Variants in OSBPL2 observed in about 807,000 individuals in gnomAD.
OSBPL2 encodes oxysterol binding protein like 2, also known as oxysterol-binding protein-related protein 2.
A neutral mutation model predicts 58.4 loss-of-function variants in OSBPL2; 18 were observed. The ratio of observed to expected loss-of-function variants is 0.31; its 90% CI spans 0.21 to 0.46. The LOEUF (loss-of-function observed/expected upper bound fraction) is 0.46. Ranked by LOEUF, OSBPL2 falls within the 20% of genes least tolerant of loss-of-function variation. OSBPL2 has a pLI of 1.00. For missense variants in OSBPL2, 461 were observed against 616.5 expected, an observed-to-expected ratio of 0.75 and a Z score of 2.67; for synonymous variants, 221 against 234.1, an observed-to-expected ratio of 0.94 and a Z score of 0.51.
chr20:62,238,948 C>G (rs557588286), intron 1 of OSBPL2: 4 of 152,258 alleles, frequency 2.6e-5, no homozygotes, highest in African/African-American at 7.2e-5. Flanking sequence ...CCCCAGCCCC[C>G]CTGCTGCCCC....
chr20:62,251,382 C>T (rs1274193174), intron 1 of OSBPL2, among the ~76,000 whole-genome samples: 1 of 146,626 alleles, frequency 6.8e-6, no homozygotes, highest in Non-Finnish European at 1.5e-5. Context: ...AGGGTTCTCT[C>T]AAAAAGATAT....
chr20:62,259,599 C>T (rs920608372), intron 2 of OSBPL2, among the ~76,000 whole-genome samples: 6 of 152,196 alleles, frequency 3.9e-5, no homozygotes, highest in Admixed American at 6.5e-5. Context: ...CCACAACGGG[C>T]GCATCGCAGC....
intron 1 of OSBPL2, among the ~76,000 whole-genome samples, chr20:62,248,128 CT>C (rs928677366): frequency 1.4e-5 from 2 of 143,294 alleles, no homozygotes; most frequent in African/African-American, 5.2e-5. Context: ...TCTCTCTTTT[CT>C]TTTTTTTTCT....
intron 1 of OSBPL2, among the ~76,000 whole-genome samples, chr20:62,247,098 A>T (rs530953965): frequency 3.4e-4 from 52 of 152,264 alleles, no homozygotes; most frequent in Non-Finnish European, 5.4e-4. Flanking sequence ...CCCCAGCCTG[A>T]CCTAGTTCTG....
chr20:62,283,421 CAAGAGGCGAAAGG>C (rs1982913458), intron 9 of OSBPL2, among the ~76,000 whole-genome samples: 1 of 152,162 alleles, frequency 6.6e-6, no homozygotes, highest in Non-Finnish European at 1.5e-5. Flanking sequence ...CTCTTCCCAG[CAAGAGGCGAAAGG>C]AGAAAGAAAA....
intron 7 of OSBPL2, 120 bp downstream of exon 7, chr20:62,279,459 AC>A: frequency 9.9e-7 from 1 of 1,009,280 alleles, no homozygotes. Flanking sequence ...TGAGGTGGGG[AC>A]CTCCCCACAG....
At chr20:62,254,184 A>G (rs1446445345) in intron 1 of OSBPL2, among the ~76,000 whole-genome samples, 1 of 152,160 alleles carries the variant, frequency 6.6e-6, no homozygotes, top group Non-Finnish European at 1.5e-5. Context: ...CCACCTCTCA[A>G]AGGCCCCACA....
At chr20:62,286,381 CA>C in intron 10 of OSBPL2, 1 of 516,502 alleles carries the variant, frequency 1.9e-6, no homozygotes, top group Admixed American at 3.1e-5. Context: ...ACTCAGGAGG[CA>C]GAGGTTGCAG....
intron 1 of OSBPL2, among the ~76,000 whole-genome samples, chr20:62,251,407 C>CTTT (rs1249189807): frequency 9.0e-6 from 1 of 110,854 alleles, no homozygotes; most frequent in African/African-American, 3.4e-5. Context: ...ACTATCGTGA[C>CTTT]TTTTTTTTTT....
Position 62,284,122 on chromosome 20 carries a change from T to G in OSBPL2, c.949T>G (p.Phe317Val). Residue 317 changes from phenylalanine (F) to valine (V), a missense_variant, in exon 10 of 14, where the codon TTC (phenylalanine) becomes GTC (valine). Coordinates refer to ENST00000313733, the MANE Select transcript of OSBPL2 (RefSeq NM_144498.4). The part of the protein sequence containing the change: ...WGIDPVSYES[F>V]KKQERRGDHL... Reference sequence around the variant, plus strand: ...CATAGATCCTGTTTCGTATGAATCCTTCAAGAAGCAGGAGAGGAGAGGTGA... The same window carrying G: ...CATAGATCCTGTTTCGTATGAATCCGTCAAGAAGCAGGAGAGGAGAGGTGA... The G allele has an allele frequency of 6.2e-7, 1 of 1,614,158 alleles. No homozygotes were observed.
rs570280280 is a variant in OSBPL2, at chr20:62,254,644, C to T, written c.-128-1413C>T. 4.6e-3 allele frequency among the ~76,000 whole-genome samples: 707 copies of T among 152,360 alleles called. 4 individuals are homozygous for T. The highest frequency in any genetic ancestry group is 7.9e-3 in the Non-Finnish European group (539 of 68,032). On this transcript the variant is annotated intron_variant, in intron 1 of 13. Transcript: ENST00000313733. Reference sequence around the variant, plus strand: ...CGGGATGAGCCGCTTGAGGGGTCACCCAGCACTGGGGGCCGTTCTCGCCCC... The same window carrying T: ...CGGGATGAGCCGCTTGAGGGGTCACTCAGCACTGGGGGCCGTTCTCGCCCC...
intron 1 of OSBPL2, among the ~76,000 whole-genome samples, chr20:62,253,697 G>C (rs1263692164): frequency 6.7e-6 from 1 of 148,500 alleles, no homozygotes; most frequent in African/African-American, 2.5e-5. Context: ...GAGCGGGAGA[G>C]AGAGAGGAGA....
At chr20:62,251,886 TTTTTTTTTTTC>T (rs1980576067) in intron 1 of OSBPL2, among the ~76,000 whole-genome samples, 2 of 124,672 alleles carry the variant, frequency 1.6e-5, no homozygotes, top group African/African-American at 6.3e-5. Context: ...TTTTTTTTTT[TTTTTTTTTTTC>T]TGGAGACAGG....
At chr20:62,277,510 A>G (rs906872506) in intron 6 of OSBPL2, among the ~76,000 whole-genome samples, 1 of 152,208 alleles carries the variant, frequency 6.6e-6, no homozygotes, top group African/African-American at 2.4e-5. Flanking sequence ...AGTGTCTGCC[A>G]TGTGCTGTGT....
intron 6 of OSBPL2, among the ~76,000 whole-genome samples, chr20:62,276,875 C>T (rs1368184197): frequency 6.6e-6 from 1 of 152,244 alleles, no homozygotes; most frequent in East Asian, 1.9e-4. Flanking sequence ...CCAGCCTTCT[C>T]GTCCTCTGGT....
rs565422595 is a variant in OSBPL2 at position 62,254,630 on chromosome 20, G to A, written c.-128-1427G>A. On this transcript the variant is annotated intron_variant, in intron 1 of 13. Transcript: ENST00000313733. ...CTGTGGCAGGGCTGCGGGATGAGCCGCTTGAGGGGTCACCCAGCACTGGGG... is the reference window on the plus strand; with the variant it reads ...CTGTGGCAGGGCTGCGGGATGAGCCACTTGAGGGGTCACCCAGCACTGGGG... Among the ~76,000 whole-genome samples, 484 of 152,376 alleles carry A rather than the reference G, an allele frequency of 3.2e-3. 2 individuals carry two copies. The highest frequency in any genetic ancestry group is 0.011 in the African/African-American group (462 of 41,598).
chr20:62,271,423 G>A (rs1001403423), intron 4 of OSBPL2, among the ~76,000 whole-genome samples: 5 of 152,126 alleles, frequency 3.3e-5, no homozygotes, highest in African/African-American at 7.2e-5. Context: ...TATTTTTAAC[G>A]GCGTGGGTGG....
intron 10 of OSBPL2, 153 bp downstream of exon 10, chr20:62,284,322 C>T (rs1468302856): frequency 1.2e-6 from 1 of 810,994 alleles, no homozygotes; most frequent in Non-Finnish European, 2.0e-6. Context: ...CCAGATGAAC[C>T]ATATATTGTG....
Position 62,295,022 on chromosome 20 carries a change from G to A in OSBPL2, c.*1135G>A, listed in dbSNP as rs896617212. ...GGCTGGAGTGCAATGGCATGATCTC[G>A]GCTCACCGCAACCTCCGCCTCCCGG... On this transcript the variant is annotated 3_prime_UTR_variant, in exon 14 of 14. Coordinates refer to ENST00000313733, the MANE Select transcript of OSBPL2 (RefSeq NM_144498.4). The surrounding 1 kb of genome is among the most constrained non-coding windows in gnomAD (Gnocchi z 4.8). 13 of 143,072 alleles carry A rather than the reference G, an allele frequency of 9.1e-5. 1 individual carries two copies. Among genetic ancestry groups the A allele is most frequent in the Non-Finnish European group, 1.5e-4 (10 of 67,096 alleles). 8.9% of individuals were successfully genotyped at this position (143,072 alleles called of 1,614,324 possible). A position where few individuals can be genotyped will look rare whatever the true frequency, so the allele number is the denominator to read the frequency against.
Sources: gnomAD v4.1 joint callset for allele counts (sites outside exome capture counted in the v4.1 genomes callset) on GRCh38, gnomAD v4.1.1 for gene constraint, Gnocchi (gnomAD v3.1) non-coding constraint, MANE v1.5 for transcripts, NCBI Gene and HGNC (gene_info 2026-07-23, HGNC 2026-07-21) for gene names.